Variants in HSD17B12 observed in about 807,000 individuals in gnomAD.
HSD17B12 encodes the protein very-long-chain 3-oxoacyl-CoA reductase.
Under a neutral mutation model 39.3 loss-of-function variants are expected in HSD17B12, and 32 were observed. That is an observed-to-expected ratio of 0.81 (90% CI 0.61 to 1.09). The LOEUF (loss-of-function observed/expected upper bound fraction) is 1.09, where lower values mean the gene tolerates loss of function less well. HSD17B12 is among the 50% of genes least tolerant of loss of function. The pLI, the probability that HSD17B12 is intolerant of heterozygous loss-of-function variation, is 0.00. For synonymous variants in HSD17B12, 150 were observed against 146.7 expected, an observed-to-expected ratio of 1.02 and a Z score of -0.16; for missense variants, 342 against 382.9, an observed-to-expected ratio of 0.89 and a Z score of 0.89.
intron 3 of HSD17B12, among the ~76,000 whole-genome samples, chr11:43,765,799 C>T (rs1397011204): frequency 6.6e-6 from 1 of 152,138 alleles, no homozygotes; most frequent in Non-Finnish European, 1.5e-5. Context: ...TCCTTTTTCT[C>T]TCTGTATTAA....
chr11:43,715,382 T>C (rs1028838312), intron 1 of HSD17B12, among the ~76,000 whole-genome samples: 7 of 152,184 alleles, frequency 4.6e-5, no homozygotes, highest in Admixed American at 2.0e-4. Flanking sequence ...ATTGAGATAA[T>C]CATGTGGTTT....
chr11:43,666,777 C>T, the HSD17B12 span, among the ~76,000 whole-genome samples: 18 of 152,160 alleles, frequency 1.2e-4, no homozygotes, highest in East Asian at 1.9e-4. Context: ...ATACTTCACA[C>T]GACATTTTCT....
At chr11:43,583,492 C>A in the HSD17B12 span, among the ~76,000 whole-genome samples, 1 of 152,186 alleles carries the variant, frequency 6.6e-6, no homozygotes, top group Non-Finnish European at 1.5e-5. Flanking sequence ...AGGGGTCTCT[C>A]ATTCCGGGTG....
intron 1 of HSD17B12, chr11:43,718,551 C>T: frequency 2.5e-6 from 1 of 407,132 alleles, no homozygotes; most frequent in South Asian, 2.9e-5. Context: ...AGTAGATGCT[C>T]TCATTTAAAA....
chr11:43,714,920 C>G (rs1950106699), intron 1 of HSD17B12, among the ~76,000 whole-genome samples: 1 of 152,036 alleles, frequency 6.6e-6, no homozygotes, highest in East Asian at 1.9e-4. Context: ...GTTTGGCTCT[C>G]TATTTGTCTG....
chr11:43,663,684 T>G, the HSD17B12 span, among the ~76,000 whole-genome samples: 3 of 152,106 alleles, frequency 2.0e-5, no homozygotes, highest in Non-Finnish European at 2.9e-5. Context: ...CCAACTGAAC[T>G]GGAGTTCCTT....
At chr11:43,603,941 A>G in the HSD17B12 span, among the ~76,000 whole-genome samples, 25 of 152,312 alleles carry the variant, frequency 1.6e-4, no homozygotes, top group South Asian at 1.9e-3. Flanking sequence ...AGAACAATAC[A>G]TATTACTGAT....
chr11:43,715,052 C>A (rs1950108009), intron 1 of HSD17B12, among the ~76,000 whole-genome samples: 1 of 152,166 alleles, frequency 6.6e-6, no homozygotes, highest in Non-Finnish European at 1.5e-5. Flanking sequence ...TCTAGATACA[C>A]AATCATGTCA....
the HSD17B12 span, among the ~76,000 whole-genome samples, chr11:43,602,116 T>C: frequency 6.6e-6 from 1 of 152,240 alleles, no homozygotes. Context: ...TCTGGATCTT[T>C]CTCTGGGTTC....
chr11:43,568,077 T>C, the HSD17B12 span, among the ~76,000 whole-genome samples: 7 of 152,250 alleles, frequency 4.6e-5, no homozygotes, highest in East Asian at 9.7e-4. Context: ...CCTGTTTGTT[T>C]TTTTATTCTT....
At chr11:43,681,685 T>C (rs11037563) in intron 1 of HSD17B12, among the ~76,000 whole-genome samples, 57,527 of 146,346 alleles carry the variant, frequency 0.39, 11,083 homozygotes, top group Middle Eastern at 0.52. Flanking sequence ...TTTTTTTTTT[T>C]CACAAGGACG....
chr11:43,714,179 T>C (rs1188271039), intron 1 of HSD17B12, among the ~76,000 whole-genome samples: 3 of 152,252 alleles, frequency 2.0e-5, no homozygotes, highest in Non-Finnish European at 2.9e-5. Flanking sequence ...TTTTGTGTTT[T>C]AGACATGAAG....
chr11:43,596,669 C>T, the HSD17B12 span, among the ~76,000 whole-genome samples: 1 of 152,148 alleles, frequency 6.6e-6, no homozygotes, highest in Non-Finnish European at 1.5e-5. Flanking sequence ...AACTCCTGAA[C>T]TCAAGCGATC....
chr11:43,844,070 G>T (rs1951452303), intron 9 of HSD17B12, among the ~76,000 whole-genome samples: 1 of 152,034 alleles, frequency 6.6e-6, no homozygotes, highest in African/African-American at 2.4e-5. Context: ...TGAATTTTCA[G>T]CCTCTTTATC....
intron 3 of HSD17B12, among the ~76,000 whole-genome samples, chr11:43,768,793 T>G (rs1950622280): frequency 6.6e-6 from 1 of 152,144 alleles, no homozygotes; most frequent in African/African-American, 2.4e-5. Flanking sequence ...TGGTGGCCAG[T>G]TTTTATTCTC....
intron 9 of HSD17B12, among the ~76,000 whole-genome samples, chr11:43,844,894 G>A (rs866820948): frequency 2.0e-5 from 3 of 152,116 alleles, no homozygotes; most frequent in African/African-American, 7.2e-5. Flanking sequence ...ACATTTTACC[G>A]CATTTGTCTT....
chr11:43,798,499 T>G, intron 4 of HSD17B12, 72 bp downstream of exon 4: 2 of 942,886 alleles, frequency 2.1e-6, no homozygotes, highest in East Asian at 4.9e-5. Flanking sequence ...GGATGTTAAG[T>G]GGTAAAATGA....
the HSD17B12 span, among the ~76,000 whole-genome samples, chr11:43,613,801 G>A: frequency 1.3e-5 from 2 of 151,810 alleles, no homozygotes; most frequent in Non-Finnish European, 2.9e-5. Context: ...CAAGTAGCTG[G>A]GATTACAGGT....
chr11:43,713,397 C>T (rs991061572), intron 1 of HSD17B12, among the ~76,000 whole-genome samples: 9 of 151,118 alleles, frequency 6.0e-5, no homozygotes, highest in African/African-American at 1.9e-4. Flanking sequence ...TTTGTCTTTG[C>T]GATAGTTTGC....
Sources: allele counts gnomAD v4.1 joint callset (sites outside exome capture counted in the v4.1 genomes callset), GRCh38; gene constraint gnomAD v4.1.1; transcripts MANE v1.5; gene names NCBI Gene and HGNC (gene_info 2026-07-23, HGNC 2026-07-21).